Variants in BFAR observed in about 807,000 individuals in gnomAD.
The protein encoded by BFAR is bifunctional apoptosis regulator, also known as RING finger protein 47.
BFAR carries 52 observed loss-of-function variants against 54.4 expected under a neutral mutation model. The observed-to-expected ratio is 0.96, with a 90% CI of 0.77 to 1.21. BFAR has a LOEUF of 1.21. Among genes scored for constraint, BFAR ranks in the 50% most tolerant of loss-of-function variants. The probability of loss-of-function intolerance (pLI) is 0.00; values close to 1 mark genes in which losing one functional copy is unlikely to be tolerated. For synonymous variants in BFAR, 215 were observed against 204.3 expected (o/e 1.05, Z -0.45); for missense variants, 571 against 534.0 (o/e 1.07, Z -0.68).
intron 2 of BFAR, among the ~76,000 whole-genome samples, chr16:14,648,022 C>G (rs563085029): frequency 6.6e-6 from 1 of 152,166 alleles, no homozygotes; most frequent in African/African-American, 2.4e-5. Flanking sequence ...GGCAGATTGC[C>G]TGAGCTCAGG....
chr16:14,652,427 C>A (rs902104515), intron 4 of BFAR, among the ~76,000 whole-genome samples: 5 of 151,446 alleles, frequency 3.3e-5, no homozygotes, highest in African/African-American at 1.2e-4. Context: ...ATTATAGGCG[C>A]CTGCCATCAT....
chr16:14,654,795 A>G (rs1960075093), intron 4 of BFAR, among the ~76,000 whole-genome samples: 1 of 152,180 alleles, frequency 6.6e-6, no homozygotes, highest in African/African-American at 2.4e-5. Flanking sequence ...GCACCCAGCC[A>G]AAGCGAGTTT....
intron 6 of BFAR, 36 bp downstream of exon 6, chr16:14,662,101 A>G: frequency 1.2e-6 from 2 of 1,609,818 alleles, no homozygotes; most frequent in Non-Finnish European, 8.5e-7. Flanking sequence ...AAGTTATTCC[A>G]CTGTCAAGTT....
intron 1 of BFAR, among the ~76,000 whole-genome samples, chr16:14,638,394 G>T (rs1367577225): frequency 6.6e-6 from 1 of 152,066 alleles, no homozygotes; most frequent in Admixed American, 6.6e-5. Flanking sequence ...TAAAAAAGAA[G>T]AAATGATTGA....
At chr16:14,634,366 G>T (rs1332965181) in intron 1 of BFAR, among the ~76,000 whole-genome samples, 1 of 152,186 alleles carries the variant, frequency 6.6e-6, no homozygotes, top group Non-Finnish European at 1.5e-5. Flanking sequence ...TGGAGACATT[G>T]TATTTCTCCA....
chr16:14,638,902 A>C (rs2151834940), intron 1 of BFAR, among the ~76,000 whole-genome samples: 1 of 152,102 alleles, frequency 6.6e-6, no homozygotes, highest in South Asian at 2.1e-4. Context: ...CCGAGATTGC[A>C]CCACTGCACT....
At chr16:14,647,877 T>C (rs1959847690) in intron 2 of BFAR, among the ~76,000 whole-genome samples, 1 of 152,230 alleles carries the variant, frequency 6.6e-6, no homozygotes, top group Non-Finnish European at 1.5e-5. Flanking sequence ...ATATTTCATT[T>C]AGCCTTTTAC....
At chr16:14,666,658 A>T (rs1391211469) in intron 7 of BFAR, among the ~76,000 whole-genome samples, 1 of 152,184 alleles carries the variant, frequency 6.6e-6, no homozygotes, top group East Asian at 1.9e-4. Flanking sequence ...TTTTACCTTG[A>T]CATTCTGACT....
intron 1 of BFAR, among the ~76,000 whole-genome samples, chr16:14,636,730 A>ACTTT (rs1959457120): frequency 6.6e-6 from 1 of 152,182 alleles, no homozygotes; most frequent in Non-Finnish European, 1.5e-5. Flanking sequence ...TCCCTTCCCA[A>ACTTT]GAGGCCATAT....
chr16:14,636,409 C>T (rs1261075143), intron 1 of BFAR, among the ~76,000 whole-genome samples: 1 of 152,182 alleles, frequency 6.6e-6, no homozygotes, highest in Non-Finnish European at 1.5e-5. Flanking sequence ...GAACAAAGGT[C>T]TCTGCATCAT....
Position 14,667,774 on chromosome 16 carries a change from A to T in BFAR, c.1300A>T (p.Asn434Tyr), listed in dbSNP as rs1306666466. The stretch of plus-strand genomic sequence containing the variant: ...GGCCCTGTACTTTAACCCAATTATT[A>T]ACATTGATCTTGTGGTCAAGGAACT... ...YWALYFNPII[N>Y]IDLVVKELRR... Residue 434 changes from asparagine to tyrosine, a missense_variant, in exon 8 of 8, where the codon AAC (asparagine) becomes TAC (tyrosine). By Grantham distance (143) the Asn-to-Tyr change is moderately radical. Transcript: ENST00000261658. 1.2e-6 allele frequency: 2 copies of T among 1,614,078 alleles called. No homozygotes were observed. Among genetic ancestry groups the T allele is most frequent in the South Asian group, 1.1e-5 (1 of 91,084 alleles).
rs1392260317 is a variant in BFAR at position 14,665,048 on chromosome 16, A to C, written c.1137A>C (p.Arg379Ser). The change falls in exon 7 of 8, where the codon AGA (arginine) becomes AGC (serine). Residue 379 changes from arginine to serine, a missense_variant. Coordinates refer to ENST00000261658, the MANE Select transcript of BFAR (RefSeq NM_016561.3). ...LSVLELFSFW[R>S]IWSRSELKTV... ...TTCTGGAATTATTCTCCTTTTGGAG[A>C]ATCTGGTCGAGAAGTGAACTGAAGT... 7 of 1,613,626 alleles carry C rather than the reference A, an allele frequency of 4.3e-6. No homozygotes were observed. The highest frequency in any genetic ancestry group is 1.7e-5 in the Admixed American group (1 of 59,992).
chr16:14,661,392 CT>C (rs774393097), intron 5 of BFAR, among the ~76,000 whole-genome samples: 341 of 65,074 alleles, frequency 5.2e-3, no homozygotes, highest in Middle Eastern at 0.011. Flanking sequence ...GAGATTGGAT[CT>C]TTTTTTTTTT....
chr16:14,665,104 G>C (rs1385533290), intron 7 of BFAR, 33 bp downstream of exon 7: 1 of 1,552,292 alleles, frequency 6.4e-7, no homozygotes, highest in Admixed American at 1.7e-5. Flanking sequence ...CACAACAGGG[G>C]ATGGGAAAGA....
chr16:14,669,144 T>C lies in BFAR; in HGVS notation c.*1317T>C, dbSNP rs751346267. 5 of 364,730 alleles carry C rather than the reference T, an allele frequency of 1.4e-5. No individual in the cohort carries two copies. Among genetic ancestry groups the C allele is most frequent in the Non-Finnish European group, 2.2e-5 (4 of 178,320 alleles). 22.6% of individuals were successfully genotyped at this position (364,730 alleles called of 1,614,324 possible). On this transcript the variant is annotated 3_prime_UTR_variant, in exon 8 of 8. Coordinates refer to ENST00000261658, the MANE Select transcript of BFAR (RefSeq NM_016561.3). The stretch of plus-strand genomic sequence containing the variant: ...ATGAACCATTCATTAACCCTTTGTA[T>C]CTTTGAGTGAAAATTTTACTCAAAA...
intron 5 of BFAR, among the ~76,000 whole-genome samples, chr16:14,659,241 T>G (rs1292802165): frequency 2.7e-5 from 4 of 147,966 alleles, no homozygotes; most frequent in Non-Finnish European, 4.5e-5. Flanking sequence ...TTTGTTTTTT[T>G]TTGTTTTTTG....
At chr16:14,650,093 G>C in intron 4 of BFAR, 120 bp downstream of exon 4, 1 of 1,000,502 alleles carries the variant, frequency 1.0e-6, no homozygotes, top group Non-Finnish European at 1.4e-6. Context: ...AGGCCGAGGC[G>C]GATCGATCAT....
At chr16:14,661,843 A>C in intron 5 of BFAR, 49 bp from the exon 6 acceptor site, 2 of 1,594,930 alleles carry the variant, frequency 1.3e-6, no homozygotes, top group South Asian at 2.2e-5. Context: ...GTGGGTGGGT[A>C]GCTGGCCGCC....
intron 5 of BFAR, among the ~76,000 whole-genome samples, chr16:14,656,932 A>G (rs965920651): frequency 2.0e-5 from 3 of 151,918 alleles, no homozygotes; most frequent in African/African-American, 7.2e-5. Context: ...GTGAAACCCC[A>G]TCTCTACTAA....
Sources: gnomAD v4.1 joint callset for allele counts (sites outside exome capture counted in the v4.1 genomes callset) on GRCh38, gnomAD v4.1.1 for gene constraint, MANE v1.5 for transcripts, NCBI Gene and HGNC (gene_info 2026-07-23, HGNC 2026-07-21) for gene names.